The following HERC2 variants were observed in gnomAD, a reference collection of about 807,000 sequenced individuals.
The protein encoded by HERC2 is E3 ubiquitin-protein ligase HERC2.
In HERC2, 102 loss-of-function variants were observed where a neutral mutation model predicts 537.7. The ratio of observed to expected loss-of-function variants is 0.19; its 90% CI spans 0.16 to 0.22. The LOEUF is 0.22. HERC2 is among the 10% of genes least tolerant of loss of function. The probability of loss-of-function intolerance (pLI) is 1.00; values close to 1 mark genes in which losing one functional copy is unlikely to be tolerated. For synonymous variants in HERC2, 2,224 were observed against 2,466.2 expected, an observed-to-expected ratio of 0.90 and a Z score of 2.91; for missense variants, 4,236 against 6,198.2, an observed-to-expected ratio of 0.68 and a Z score of 10.63.
intron 22 of HERC2, 99 bp downstream of exon 22, chr15:28,246,643 T>G (rs1215942295): frequency 3.7e-6 from 4 of 1,080,430 alleles, no homozygotes; most frequent in East Asian, 2.8e-5. Flanking sequence ...CCAGAAAATT[T>G]AGAGAGTAAA....
chr15:28,191,369 G>A, intron 53 of HERC2, 125 bp from the exon 54 acceptor site: 1 of 645,728 alleles, frequency 1.5e-6, no homozygotes, highest in Admixed American at 2.9e-5. Context: ...TAGCATGAGA[G>A]AGAATTTTCC....
chr15:28,322,125 T>C lies in HERC2; in HGVS notation c.-82A>G, dbSNP rs1348556727. 662 of 71,754 alleles carry C rather than the reference T, an allele frequency of 9.2e-3. 5 individuals carry two copies. Among genetic ancestry groups the C allele is most frequent in the Non-Finnish European group, 0.013 (485 of 38,294 alleles). The allele number at this position is 71,754 out of a possible 1,614,324, so 4.4% of individuals were successfully genotyped here. A position where few individuals can be genotyped will look rare whatever the true frequency, so the allele number is the denominator to read the frequency against. ...GCCTCGCCGGCGCGCGGACGCAGCCTCCCAAGAGCCGCTGGCTCAGCCGGC... is the reference window on the plus strand; with the variant it reads ...GCCTCGCCGGCGCGCGGACGCAGCCCCCCAAGAGCCGCTGGCTCAGCCGGC... On this transcript the variant is annotated 5_prime_UTR_variant, in exon 1 of 93. Transcript: ENST00000261609.
At chr15:28,230,931 T>C (rs1901766263) in intron 30 of HERC2, among the ~76,000 whole-genome samples, 1 of 151,898 alleles carries the variant, frequency 6.6e-6, no homozygotes, top group South Asian at 2.1e-4. Context: ...GCCAAAATAA[T>C]ATACTTCTTT....
chr15:28,151,881 G>A (rs1892491878), intron 70 of HERC2, among the ~76,000 whole-genome samples: 1 of 152,170 alleles, frequency 6.6e-6, no homozygotes, highest in Admixed American at 6.5e-5. Flanking sequence ...ACAGCACCTT[G>A]AACAACTAAC....
chr15:28,262,910 G>C lies in HERC2; in HGVS notation c.2122+8C>G. 6.2e-7 allele frequency: 1 copy of C among 1,612,322 alleles called. No individual in the cohort carries two copies. Among genetic ancestry groups the C allele is most frequent in the Non-Finnish European group, 8.5e-7 (1 of 1,178,748 alleles). ...TGAAGGGTTTTAAAAGTTTACATTT[G>C]CACTCACCTTGCAAGCCTTCTAAGA... On this transcript the variant is annotated splice_region_variant and intron_variant, in intron 15 of 92. Coordinates refer to ENST00000261609, the MANE Select transcript of HERC2 (RefSeq NM_004667.6).
intron 30 of HERC2, among the ~76,000 whole-genome samples, chr15:28,231,771 G>A (rs981999505): frequency 6.6e-6 from 1 of 151,962 alleles, no homozygotes; most frequent in African/African-American, 2.4e-5. Flanking sequence ...CCTGAGAGAA[G>A]GCTCGGGGAT....
chr15:28,139,103 TGACA>T (rs1286263603), intron 78 of HERC2, among the ~76,000 whole-genome samples: 1 of 152,260 alleles, frequency 6.6e-6, no homozygotes, highest in Admixed American at 6.5e-5. Flanking sequence ...GAAATTTGTG[TGACA>T]TGCTTTGCGA....
At chr15:28,258,677 G>T (rs2075334365) in intron 16 of HERC2, among the ~76,000 whole-genome samples, 1 of 152,122 alleles carries the variant, frequency 6.6e-6, no homozygotes, top group African/African-American at 2.4e-5. Flanking sequence ...TCCGCCTTAA[G>T]AAACTAGAAA....
chr15:28,247,411 C>T (rs181718307), intron 21 of HERC2, among the ~76,000 whole-genome samples: 2 of 140,044 alleles, frequency 1.4e-5, no homozygotes, highest in East Asian at 4.2e-4. Context: ...GTTTTTCTGT[C>T]TACATGGTTC....
At chr15:28,179,329 T>A in intron 57 of HERC2, 106 bp from the exon 58 acceptor site, 1 of 846,484 alleles carries the variant, frequency 1.2e-6, no homozygotes, top group Non-Finnish European at 1.9e-6. Flanking sequence ...AGTTATGCAC[T>A]GTGTAACATT....
At chr15:28,285,627 G>T (rs1596390832) in intron 4 of HERC2, among the ~76,000 whole-genome samples, 2 of 150,106 alleles carry the variant, frequency 1.3e-5, no homozygotes, top group Admixed American at 6.6e-5. Context: ...TGCCCGCCTC[G>T]ACAACCTAAA....
chr15:28,168,505 C>T lies in HERC2; in HGVS notation c.10315G>A (p.Ala3439Thr), dbSNP rs549800096. 8.7e-6 allele frequency: 14 copies of T among 1,614,204 alleles called. No individual in the cohort carries two copies. Among genetic ancestry groups the T allele is most frequent in the Middle Eastern group, 1.6e-4 (1 of 6,062 alleles). The change falls in exon 67 of 93, where the codon GCA (alanine) becomes ACA (threonine). Residue 3439 changes from alanine to threonine, a missense_variant. This residue lies in a region of HERC2 where 356 missense variants were observed against 450.9 expected (regional missense o/e 0.79). Transcript: ENST00000261609. The stretch of plus-strand genomic sequence containing the variant: ...TTCATGGGACTAGCCATCGCAGATG[C>T]GTCGGAAGGGGCCGCCGAGGAGAAC... ...PSFSSAAPSD[A>T]SAMASPMNGE...
At chr15:28,283,032 CAAAAAAAAAAAAAA>C (rs35092122) in intron 4 of HERC2, among the ~76,000 whole-genome samples, 9 of 47,432 alleles carry the variant, frequency 1.9e-4, no homozygotes, top group East Asian at 1.5e-3. Flanking sequence ...AATGTCCCAG[CAAAAAAAAAAAAAA>C]AAAAAAAAAA....
intron 45 of HERC2, chr15:28,203,226 C>A (rs1044126025): frequency 3.9e-5 from 5 of 127,800 alleles, no homozygotes; most frequent in African/African-American, 1.5e-4. Flanking sequence ...ACAAATAGCA[C>A]TTCCCTGATC....
intron 56 of HERC2, among the ~76,000 whole-genome samples, chr15:28,184,641 T>C (rs1269881260): frequency 1.3e-5 from 2 of 151,808 alleles, no homozygotes; most frequent in Non-Finnish European, 2.9e-5. Flanking sequence ...GCAGGCGGAT[T>C]ACGAGGTCAG....
rs554842067 is a variant in HERC2, at chr15:28,113,881, C to G, written c.13914-203G>C. ...CACTGGGCTCATCTCGTCCAGCCGA[C>G]AGGGTACGGCCTAATGACCACCTAC... On this transcript the variant is annotated intron_variant, in intron 90 of 92. Transcript: ENST00000261609. The surrounding 1 kb of genome is among the most constrained non-coding windows in gnomAD (Gnocchi z 7.0). Among the ~76,000 whole-genome samples the G allele has an allele frequency of 1.3e-4, 20 of 152,292 alleles. 2 individuals carry two copies. In the South Asian group the frequency reaches 2.9e-3, roughly 22 times the overall value.
At position 28,122,919 on chromosome 15, in the gene HERC2, T is replaced by A. The variant is rs1463744347; in HGVS notation, c.13188+1118A>T. 1.3e-5 allele frequency among the ~76,000 whole-genome samples: 2 copies of A among 151,956 alleles called. No individual in the cohort carries two copies. The highest frequency in any genetic ancestry group is 4.8e-5 in the African/African-American group (2 of 41,268). ...GGTGGGACGTGCCCTGCCTCTCACT[T>A]TTTTTCTCCCTACAAAGAAAGGTTT... On this transcript the variant is annotated intron_variant, in intron 85 of 92. Transcript: ENST00000261609. The surrounding 1 kb of genome is among the most constrained non-coding windows in gnomAD (Gnocchi z 4.1).
chr15:28,305,910 C>CA (rs1390041709), intron 2 of HERC2, among the ~76,000 whole-genome samples: 1 of 152,080 alleles, frequency 6.6e-6, no homozygotes, highest in Non-Finnish European at 1.5e-5. Flanking sequence ...TTTATGCAGC[C>CA]AAAAAATACA....
At chr15:28,125,889 G>A (rs1889423316) in intron 83 of HERC2, among the ~76,000 whole-genome samples, 1 of 152,128 alleles carries the variant, frequency 6.6e-6, no homozygotes, top group South Asian at 2.1e-4. Context: ...CAAGCTCACC[G>A]CAACCTCCGC....
Sources: allele counts gnomAD v4.1 joint callset (sites outside exome capture counted in the v4.1 genomes callset), GRCh38; gene constraint gnomAD v4.1.1; regional missense constraint gnomAD v4.1.1; non-coding constraint Gnocchi (gnomAD v3.1); transcripts MANE v1.5; gene names NCBI Gene and HGNC (gene_info 2026-07-23, HGNC 2026-07-21).